The following CASP6 variants were observed in gnomAD, a reference collection of about 807,000 sequenced individuals.
CASP6 encodes caspase-6.
In CASP6, 20 loss-of-function variants were observed where a neutral mutation model predicts 31.8. The observed-to-expected ratio is 0.63, with a 90% CI of 0.44 to 0.91. The LOEUF is 0.91. Ranked by LOEUF, CASP6 falls within the 40% of genes least tolerant of loss-of-function variation. CASP6 has a pLI of 0.00. For synonymous variants in CASP6, 130 were observed against 127.8 expected, an observed-to-expected ratio of 1.02 and a Z score of -0.12; for missense variants, 328 against 361.1, an observed-to-expected ratio of 0.91 and a Z score of 0.74.
At chr4:109,675,726 G>A in the CASP6 span, among the ~76,000 whole-genome samples, 1 of 152,202 alleles carries the variant, frequency 6.6e-6, no homozygotes, top group East Asian at 1.9e-4. Context: ...CTGCCCTAAT[G>A]AATAGATGAA....
chr4:109,703,975 G>C (rs1383610323), upstream of CASP6, among the ~76,000 whole-genome samples: 4 of 152,224 alleles, frequency 2.6e-5, no homozygotes, highest in South Asian at 6.2e-4. Context: ...TGTGATCTGT[G>C]ATCAGTAATC....
At chr4:109,695,266 C>T (rs1365826564) in intron 4 of CASP6, among the ~76,000 whole-genome samples, 2 of 152,166 alleles carry the variant, frequency 1.3e-5, no homozygotes, top group Non-Finnish European at 2.9e-5. Flanking sequence ...GACCAAATTT[C>T]ATTAGCCTTT....
chr4:109,669,692 G>A, the CASP6 span, among the ~76,000 whole-genome samples: 1 of 143,754 alleles, frequency 7.0e-6, no homozygotes, highest in South Asian at 2.2e-4. Flanking sequence ...TAGATGTTCT[G>A]TTCTGGTTTT....
chr4:109,706,425 G>A (rs569463470), upstream of CASP6, among the ~76,000 whole-genome samples: 3 of 151,874 alleles, frequency 2.0e-5, no homozygotes, highest in South Asian at 2.1e-4. Flanking sequence ...TGCTTTTTAC[G>A]GATGAGCAAA....
downstream of CASP6, chr4:109,684,751 C>A: frequency 1.6e-6 from 1 of 632,352 alleles, no homozygotes. Context: ...TTACTGCCAT[C>A]TGGTTTTTAT....
the CASP6 span, among the ~76,000 whole-genome samples, chr4:109,672,304 A>C: frequency 0.31 from 47,177 of 151,962 alleles, 7,526 homozygotes; most frequent in East Asian, 0.46. Context: ...CCTCCTGCCC[A>C]AAGCAGGGAG....
At chr4:109,679,463 C>T in the CASP6 span, among the ~76,000 whole-genome samples, 3 of 152,252 alleles carry the variant, frequency 2.0e-5, no homozygotes, top group South Asian at 2.1e-4. Context: ...CCGGTCAACA[C>T]GGCGAAACCC....
chr4:109,690,180 T>TAA (rs766890373), intron 6 of CASP6, among the ~76,000 whole-genome samples: 5 of 119,792 alleles, frequency 4.2e-5, no homozygotes, highest in Admixed American at 8.9e-5. Flanking sequence ...GTGAGACTAT[T>TAA]AAAAAAAAAA....
At chr4:109,665,481 GCAAACTCTAC>G in the CASP6 span, among the ~76,000 whole-genome samples, 1 of 152,094 alleles carries the variant, frequency 6.6e-6, no homozygotes, top group Non-Finnish European at 1.5e-5. Flanking sequence ...ATAGGGCCAG[GCAAACTCTAC>G]CAAACTCTAC....
chr4:109,693,919 A>T (rs1365716221), intron 5 of CASP6, among the ~76,000 whole-genome samples: 1 of 151,760 alleles, frequency 6.6e-6, no homozygotes, highest in East Asian at 2.0e-4. Flanking sequence ...TTGTATTTTT[A>T]GTAGAGACAG....
At chr4:109,693,930 G>C (rs568703136) in intron 5 of CASP6, among the ~76,000 whole-genome samples, 19 of 151,874 alleles carry the variant, frequency 1.3e-4, no homozygotes, top group African/African-American at 4.3e-4. Flanking sequence ...GTAGAGACAG[G>C]GTTTCACCAT....
chr4:109,696,580 C>G (rs992549036), intron 3 of CASP6, 94 bp from the exon 4 acceptor site: 1 of 757,426 alleles, frequency 1.3e-6, no homozygotes, highest in South Asian at 1.9e-5. Flanking sequence ...TTTAACGACA[C>G]ATAAATTTGC....
At chr4:109,692,491 A>C (rs576017839) in intron 5 of CASP6, 1 of 152,282 alleles carries the variant, frequency 6.6e-6, no homozygotes, top group South Asian at 2.1e-4. Context: ...GTAGCTCATT[A>C]GTTATTTCCA....
intron 4 of CASP6, among the ~76,000 whole-genome samples, chr4:109,695,575 G>A (rs1730212885): frequency 6.6e-6 from 1 of 152,042 alleles, no homozygotes; most frequent in African/African-American, 2.4e-5. Context: ...GGCCAACACG[G>A]TGAAACCCCA....
chr4:109,702,053 T>C (rs776194673), intron 1 of CASP6, among the ~76,000 whole-genome samples: 1 of 152,220 alleles, frequency 6.6e-6, no homozygotes, highest in Admixed American at 6.5e-5. Flanking sequence ...TAACCCTATG[T>C]AGAGTAACCT....
downstream of CASP6, chr4:109,687,498 TC>T: frequency 6.3e-7 from 1 of 1,589,256 alleles, no homozygotes; most frequent in Non-Finnish European, 8.6e-7. Context: ...ACATGCTTTT[TC>T]TTTTTCCCAT....
the CASP6 span, chr4:109,673,820 G>A: frequency 2.8e-6 from 2 of 718,196 alleles, no homozygotes; most frequent in African/African-American, 3.5e-5. Context: ...TTTCGCTCTA[G>A]GGAGATTCTT....
chr4:109,684,290 C>A (rs926291412), downstream of CASP6: 1 of 555,072 alleles, frequency 1.8e-6, no homozygotes, highest in East Asian at 3.1e-5. Flanking sequence ...TCTCGATCTC[C>A]TGACCTCGTG....
intron 1 of CASP6, among the ~76,000 whole-genome samples, chr4:109,699,085 C>T (rs966419117): frequency 1.3e-5 from 2 of 152,226 alleles, no homozygotes; most frequent in African/African-American, 4.8e-5. Flanking sequence ...AACTGAGGAA[C>T]TCGATTTTAT....
Sources: allele counts gnomAD v4.1 joint callset (sites outside exome capture counted in the v4.1 genomes callset), GRCh38; gene constraint gnomAD v4.1.1; transcripts MANE v1.5; gene names NCBI Gene and HGNC (gene_info 2026-07-23, HGNC 2026-07-21).